DTNA: variants seen among roughly 807,000 people sequenced by gnomAD.
DTNA encodes dystrobrevin alpha.
In DTNA, 43 loss-of-function variants were observed where a neutral mutation model predicts 100.7. That is an observed-to-expected ratio of 0.43 (90% confidence interval 0.33 to 0.55). DTNA has a LOEUF of 0.55. Among genes scored for constraint, DTNA ranks in the 20% least tolerant of loss-of-function variants. DTNA has a pLI of 0.04. For synonymous variants in DTNA, 349 were observed against 347.9 expected, an observed-to-expected ratio of 1.00 and a Z score of -0.04; for missense variants, 798 against 953.9, an observed-to-expected ratio of 0.84 and a Z score of 2.15.
At chr18:34,569,659 C>T (rs1400100822) in intron 1 of DTNA, among the ~76,000 whole-genome samples, 3 of 152,000 alleles carry the variant, frequency 2.0e-5, no homozygotes, top group Non-Finnish European at 4.4e-5. Flanking sequence ...GTTGACAAGT[C>T]AAAAATCTAC....
intron 1 of DTNA, among the ~76,000 whole-genome samples, chr18:34,528,025 C>A (rs1030046758): frequency 2.6e-5 from 4 of 152,072 alleles, no homozygotes; most frequent in African/African-American, 9.7e-5. Context: ...AATATACCTG[C>A]TACTGTGGTT....
At chr18:34,775,493 A>AAAAT (rs1385168141) in intron 3 of DTNA, among the ~76,000 whole-genome samples, 2 of 152,150 alleles carry the variant, frequency 1.3e-5, no homozygotes, top group Non-Finnish European at 2.9e-5. Context: ...AAAAAAAATA[A>AAAAT]AAATAAATAA....
rs1601640437 is a variant in DTNA at position 34,540,617 on chromosome 18, G to A, written c.-2+47103G>A. Among the ~76,000 whole-genome samples, 5 of 151,994 alleles carry A rather than the reference G, an allele frequency of 3.3e-5. No homozygotes were observed. The South Asian group carries it at 1.0e-3, about 32-fold the overall frequency. On this transcript the variant is annotated intron_variant, in intron 1 of 19. Coordinates refer to the DTNA transcript ENST00000283365. ...TAATCTTCAACAATATTTAAGGTGT[G>A]ACACCAAAGCATACAACTAAATAGA...
At chr18:34,829,746 A>G (rs897911033) in intron 11 of DTNA, among the ~76,000 whole-genome samples, 1 of 152,186 alleles carries the variant, frequency 6.6e-6, no homozygotes, top group Admixed American at 6.5e-5. Flanking sequence ...GAAATGTATC[A>G]AGCTGGATCT....
At chr18:34,711,513 T>C (rs1223607858) in intron 1 of DTNA, among the ~76,000 whole-genome samples, 1 of 152,200 alleles carries the variant, frequency 6.6e-6, no homozygotes, top group Non-Finnish European at 1.5e-5. Context: ...TATTCTAGTG[T>C]ATTCACTGTC....
intron 17 of DTNA, chr18:34,868,311 CAT>C: frequency 3.5e-6 from 1 of 288,284 alleles, no homozygotes; most frequent in Non-Finnish European, 5.2e-6. Flanking sequence ...AAAAAGCAGT[CAT>C]AGATTTCATG....
At chr18:34,668,304 A>T (rs2076236260) in intron 1 of DTNA, among the ~76,000 whole-genome samples, 2 of 150,986 alleles carry the variant, frequency 1.3e-5, no homozygotes, top group Non-Finnish European at 3.0e-5. Flanking sequence ...CGTCTATTTG[A>T]TTCTTCTCTC....
At chr18:34,774,778 T>G (rs1009797285) in intron 3 of DTNA, among the ~76,000 whole-genome samples, 1 of 152,170 alleles carries the variant, frequency 6.6e-6, no homozygotes, top group Non-Finnish European at 1.5e-5. Flanking sequence ...AATAGAAAAG[T>G]GGAAGATTTA....
chr18:34,806,347 A>G (rs1211404054), intron 5 of DTNA, 43 bp downstream of exon 5: 2 of 1,551,658 alleles, frequency 1.3e-6, no homozygotes, highest in Non-Finnish European at 1.8e-6. Flanking sequence ...TTTCCTTGCT[A>G]GGTACCACCC....
At chr18:34,682,648 ATCT>A (rs1456518219) in intron 1 of DTNA, among the ~76,000 whole-genome samples, 2 of 152,070 alleles carry the variant, frequency 1.3e-5, no homozygotes, top group African/African-American at 2.4e-5. Context: ...CTAACTTTGT[ATCT>A]TCTTTGGTGA....
chr18:34,864,104 G>A, intron 17 of DTNA, 42 bp downstream of exon 17: 1 of 1,553,694 alleles, frequency 6.4e-7, no homozygotes, highest in Non-Finnish European at 8.7e-7. Context: ...TATTTTCCAT[G>A]TCATCTGTGA....
intron 1 of DTNA, among the ~76,000 whole-genome samples, chr18:34,598,837 G>T (rs554034244): frequency 6.2e-4 from 94 of 152,188 alleles, no homozygotes; most frequent in African/African-American, 2.1e-3. Flanking sequence ...CTGCACTCCA[G>T]TCTGGGTGAC....
Position 34,838,149 on chromosome 18 carries a change from C to G in DTNA, c.1231C>G (p.Pro411Ala). The G allele has an allele frequency of 1.2e-6, 2 of 1,613,864 alleles. No individual in the cohort carries two copies. Among genetic ancestry groups the G allele is most frequent in the Non-Finnish European group, 1.7e-6 (2 of 1,179,840 alleles). ...GAACAAACTGCTGGCTAGGGCTGCT[C>G]CAGCTTTTCTGAAGGGCAAAGGGTA... ...EQNKLLARAA[P>A]AFLKGKGIQY... The change falls in exon 12 of 23, where the codon CCA becomes GCA. Residue 411 changes from proline to alanine, a missense_variant. By Grantham distance (27) the Pro-to-Ala change is conservative. This residue lies in a region of DTNA where 159 missense variants were observed against 201.2 expected (regional missense o/e 0.79). Transcript: ENST00000444659.
intron 1 of DTNA, among the ~76,000 whole-genome samples, chr18:34,638,873 C>T (rs1280797753): frequency 1.3e-5 from 2 of 152,076 alleles, no homozygotes; most frequent in Admixed American, 1.3e-4. Flanking sequence ...TGGAGTTTCG[C>T]TCTTGCTGCC....
intron 1 of DTNA, among the ~76,000 whole-genome samples, chr18:34,632,772 T>A (rs1342522542): frequency 6.6e-6 from 1 of 152,210 alleles, no homozygotes; most frequent in African/African-American, 2.4e-5. Context: ...AACTCACTTT[T>A]AAAAATATAT....
intron 1 of DTNA, among the ~76,000 whole-genome samples, chr18:34,697,660 A>G (rs2080772536): frequency 6.6e-6 from 1 of 152,166 alleles, no homozygotes; most frequent in African/African-American, 2.4e-5. Context: ...CTAATTGTGC[A>G]CCGGGGATTT....
At chr18:34,568,989 T>C (rs2047334013) in intron 1 of DTNA, among the ~76,000 whole-genome samples, 1 of 152,232 alleles carries the variant, frequency 6.6e-6, no homozygotes, top group African/African-American at 2.4e-5. Flanking sequence ...CTTGAACATC[T>C]GAGGAAACCC....
chr18:34,501,017 G>A (rs2039864067), intron 1 of DTNA, among the ~76,000 whole-genome samples: 2 of 152,152 alleles, frequency 1.3e-5, no homozygotes, highest in Non-Finnish European at 2.9e-5. Context: ...GAGAGTGCAA[G>A]CATCTTTGCC....
intron 1 of DTNA, among the ~76,000 whole-genome samples, chr18:34,627,874 C>G (rs778784056): frequency 1.6e-4 from 24 of 152,180 alleles, no homozygotes; most frequent in Non-Finnish European, 2.9e-4. Flanking sequence ...GCTTATATTT[C>G]TTCTAACATT....
Sources: gnomAD v4.1 joint callset for allele counts (sites outside exome capture counted in the v4.1 genomes callset) on GRCh38, gnomAD v4.1.1 for gene constraint, gnomAD v4.1.1 regional missense constraint, MANE v1.5 for transcripts, NCBI Gene and HGNC (gene_info 2026-07-23, HGNC 2026-07-21) for gene names.